DEFB109B: variants seen among roughly 807,000 people sequenced by gnomAD.
DEFB109B encodes the protein defensin beta 109B.
intron 1 of DEFB109B, among the ~76,000 whole-genome samples, chr8:7,316,792 AATAT>A (rs1316201242): frequency 4.8e-5 from 6 of 125,448 alleles, no homozygotes; most frequent in South Asian, 4.6e-4. Context: ...ATCTTCAGCT[AATAT>A]ATATATATAT....
At chr8:7,316,800 T>A (rs1266886453) in intron 1 of DEFB109B, among the ~76,000 whole-genome samples, 1 of 133,488 alleles carries the variant, frequency 7.5e-6, no homozygotes, top group Non-Finnish European at 1.5e-5. Flanking sequence ...CTAATATATA[T>A]ATATATATAT....
exon 2 of DEFB109B, chr8:7,319,779 G>A (rs557639939): frequency 7.0e-6 from 1 of 142,938 alleles, no homozygotes; most frequent in Admixed American, 6.8e-5. Context: ...GAAGGTCATT[G>A]TCTCAATTTG....
intron 1 of DEFB109B, among the ~76,000 whole-genome samples, chr8:7,313,579 C>A (rs1458206161): frequency 7.0e-6 from 1 of 143,266 alleles, no homozygotes; most frequent in Non-Finnish European, 1.5e-5. Flanking sequence ...GCAAAGACAC[C>A]AACAAGTGCT....
At chr8:7,319,617 G>A (rs1415406013) in intron 1 of DEFB109B, 129 bp from the exon 2 acceptor site, 2 of 142,196 alleles carry the variant, frequency 1.4e-5, no homozygotes, top group Admixed American at 6.8e-5. Context: ...TCTGACATAT[G>A]AGCAGCAACC....
In DEFB109B at chr8:7,315,470, G is replaced by C. The variant is rs184894757; in HGVS notation, n.58+2567G>C. ...GCCGAGATCGTGCCATTGCACTCTA[G>C]CCTGGGCGACAGAGTGAGACTCCGT... On this transcript the variant is annotated intron_variant and non_coding_transcript_variant, in intron 1 of 1. Coordinates refer to ENST00000382656, the Ensembl canonical transcript of DEFB109B. 6.7e-3 allele frequency among the ~76,000 whole-genome samples: 897 copies of C among 133,508 alleles called. 137 individuals are homozygous for C. The highest frequency in any genetic ancestry group is 0.032 in the African/African-American group (850 of 26,858). The allele number at this position is 133,508 out of a possible 152,430, so 87.6% of individuals were successfully genotyped here. A position where few individuals can be genotyped will look rare whatever the true frequency, so the allele number is the denominator to read the frequency against.
At chr8:7,309,612 G>A (rs1235152181), upstream of DEFB109B, among the ~76,000 whole-genome samples, 5 of 147,842 alleles carry the variant, frequency 3.4e-5, no homozygotes, top group Non-Finnish European at 5.9e-5. Context: ...TCTGCATTGA[G>A]CATGCAATCA....
At chr8:7,315,871 T>A (rs1328187554) in intron 1 of DEFB109B, among the ~76,000 whole-genome samples, 2 of 137,342 alleles carry the variant, frequency 1.5e-5, no homozygotes, top group Admixed American at 7.0e-5. Flanking sequence ...TATTCTTTTG[T>A]CAGGGCAAGA....
chr8:7,310,592 T>C (rs1247517454), upstream of DEFB109B, among the ~76,000 whole-genome samples: 1 of 141,768 alleles, frequency 7.1e-6, no homozygotes, highest in African/African-American at 3.1e-5. Flanking sequence ...TGTGTGTGTG[T>C]GTGTGTGTGT....
upstream of DEFB109B, among the ~76,000 whole-genome samples, chr8:7,310,484 G>A (rs954198054): frequency 1.6e-5 from 2 of 122,232 alleles, no homozygotes; most frequent in African/African-American, 4.4e-5. Context: ...TGTTGGTGGT[G>A]ACTTTGGAAG....
At chr8:7,309,934 T>A (rs892907332), upstream of DEFB109B, among the ~76,000 whole-genome samples, 11 of 58,336 alleles carry the variant, frequency 1.9e-4, no homozygotes, top group African/African-American at 7.7e-4. Context: ...CTTTATGTTG[T>A]TTGCTAAAAG....
intron 1 of DEFB109B, among the ~76,000 whole-genome samples, chr8:7,315,309 G>T (rs1193064060): frequency 7.5e-6 from 1 of 133,676 alleles, no homozygotes; most frequent in Non-Finnish European, 1.5e-5. Flanking sequence ...CGAGGTCAGT[G>T]GCTAACACGG....
intron 1 of DEFB109B, among the ~76,000 whole-genome samples, chr8:7,315,736 G>A (rs1277252683): frequency 1.4e-5 from 2 of 140,506 alleles, no homozygotes; most frequent in East Asian, 2.0e-4. Flanking sequence ...TACACACAAA[G>A]CATGTGTGGA....
In DEFB109B at chr8:7,316,706, A is replaced by G. The variant is rs899003016; in HGVS notation, n.59-3040A>G. ...CAGTGTTGCAATCTTGGCTCACTAC[A>G]ACCTCCACCTCCTGGGTTCAAGTGA... On this transcript the variant is annotated intron_variant and non_coding_transcript_variant, in intron 1 of 1. Transcript: ENST00000382656. Among the ~76,000 whole-genome samples the G allele has an allele frequency of 7.6e-5, 11 of 144,548 alleles. 1 individual carries two copies. The highest frequency in any genetic ancestry group is 3.2e-4 in the African/African-American group (11 of 34,438). The allele number at this position is 144,548 out of a possible 152,430, so 94.8% of individuals were successfully genotyped here. A position where few individuals can be genotyped will look rare whatever the true frequency, so the allele number is the denominator to read the frequency against.
intron 1 of DEFB109B, chr8:7,319,019 G>A (rs569680200): frequency 6.9e-6 from 1 of 144,704 alleles, no homozygotes; most frequent in Admixed American, 6.7e-5. Flanking sequence ...TTCTACTTAT[G>A]TTTAAACAGG....
intron 1 of DEFB109B, among the ~76,000 whole-genome samples, chr8:7,317,630 T>TC (rs1803043710): frequency 1.0e-4 from 10 of 96,356 alleles, no homozygotes; most frequent in South Asian, 3.9e-4. Context: ...TTTGGAGATA[T>TC]TAAAGATTCA....
upstream of DEFB109B, among the ~76,000 whole-genome samples, chr8:7,310,682 C>T (rs551065227): frequency 1.7e-3 from 245 of 147,196 alleles, 3 homozygotes; most frequent in Non-Finnish European, 2.8e-3. Context: ...TGATCTGAAA[C>T]TATACTCTTA....
upstream of DEFB109B, among the ~76,000 whole-genome samples, chr8:7,312,034 G>C (rs1802635208): frequency 8.0e-6 from 1 of 124,622 alleles, no homozygotes; most frequent in Admixed American, 7.5e-5. Flanking sequence ...AGGAATGTTT[G>C]TAAAAGATGC....
At chr8:7,319,937 C>T (rs1183727530) in exon 2 of DEFB109B, 1 of 71,684 alleles carries the variant, frequency 1.4e-5, no homozygotes, top group African/African-American at 8.7e-5. Context: ...ACCCCTTAAA[C>T]CTAACTTGAA....
chr8:7,309,692 A>G (rs1802501953), upstream of DEFB109B, among the ~76,000 whole-genome samples: 1 of 146,256 alleles, frequency 6.8e-6, no homozygotes, highest in Non-Finnish European at 1.5e-5. Flanking sequence ...TATTGCTTTT[A>G]CCCAAGAAGA....
Sources: gnomAD v4.1 joint callset for allele counts (sites outside exome capture counted in the v4.1 genomes callset) on GRCh38, gnomAD v4.1.1 for gene constraint, MANE v1.5 for transcripts, NCBI Gene and HGNC (gene_info 2026-07-23, HGNC 2026-07-21) for gene names.